The following SORCS2 variants were observed in gnomAD, a reference collection of about 807,000 sequenced individuals.
SORCS2 encodes VPS10 domain-containing receptor SorCS2.
In SORCS2, 100 loss-of-function variants were observed where a neutral mutation model predicts 141.6. The observed-to-expected ratio is 0.71, with a 90% confidence interval of 0.60 to 0.83. SORCS2 has a LOEUF of 0.83. Ranked by LOEUF, SORCS2 falls within the 40% of genes least tolerant of loss-of-function variation. SORCS2 has a pLI of 0.00. For synonymous variants in SORCS2, 789 were observed against 676.9 expected (o/e 1.17, Z -2.57); for missense variants, 1,646 against 1,560.2 (o/e 1.05, Z -0.93).
chr4:7,576,523 T>G (rs1233027691), intron 3 of SORCS2, among the ~76,000 whole-genome samples: 1 of 152,218 alleles, frequency 6.6e-6, no homozygotes, highest in Non-Finnish European at 1.5e-5. Flanking sequence ...TGTGTGCATC[T>G]TACTACAAAA....
At chr4:7,418,712 C>CCA (rs1553859482) in intron 2 of SORCS2, among the ~76,000 whole-genome samples, 3,280 of 145,822 alleles carry the variant, frequency 0.022, 73 homozygotes, top group Non-Finnish European at 0.027. Flanking sequence ...ACCCCCCCCC[C>CCA]CACCAGATTT....
intron 1 of SORCS2, among the ~76,000 whole-genome samples, chr4:7,380,341 G>C (rs1026599329): frequency 1.3e-5 from 2 of 152,238 alleles, no homozygotes; most frequent in African/African-American, 4.8e-5. Flanking sequence ...TGAAGGTGCT[G>C]AGTCCTGCCA....
intron 2 of SORCS2, among the ~76,000 whole-genome samples, chr4:7,407,339 T>C (rs540577938): frequency 2.6e-5 from 4 of 152,270 alleles, no homozygotes; most frequent in Admixed American, 2.0e-4. Flanking sequence ...TATTAATGTT[T>C]GCTTTATATA....
intron 8 of SORCS2, among the ~76,000 whole-genome samples, chr4:7,675,725 C>T (rs76891548): frequency 0.017 from 2,543 of 152,318 alleles, 78 homozygotes; most frequent in African/African-American, 0.058. Flanking sequence ...AACTCCGCCT[C>T]CCCACTGTTG....
At chr4:7,310,962 T>C (rs982422068) in intron 1 of SORCS2, among the ~76,000 whole-genome samples, 2 of 152,202 alleles carry the variant, frequency 1.3e-5, no homozygotes, top group Non-Finnish European at 2.9e-5. Flanking sequence ...ATCACGCAGA[T>C]TCAAAGTGCA....
intron 2 of SORCS2, among the ~76,000 whole-genome samples, chr4:7,453,609 T>G (rs1728646615): frequency 7.4e-6 from 1 of 134,696 alleles, no homozygotes; most frequent in Admixed American, 7.2e-5. Context: ...TCAGGAGCTG[T>G]GTGTTGGGGT....
chr4:7,622,912 C>G (rs1484413854), intron 3 of SORCS2, among the ~76,000 whole-genome samples: 2 of 152,136 alleles, frequency 1.3e-5, no homozygotes, highest in Non-Finnish European at 2.9e-5. Flanking sequence ...GTTCAGTTCA[C>G]CCACTGCTCA....
At chr4:7,697,704 T>C (rs909804838) in intron 12 of SORCS2, among the ~76,000 whole-genome samples, 4 of 150,142 alleles carry the variant, frequency 2.7e-5, no homozygotes, top group African/African-American at 9.8e-5. Flanking sequence ...AGGAGGGGGC[T>C]ACGGGGGACT....
Position 7,192,912 on chromosome 4 carries a change from C to T in SORCS2, c.266C>T (p.Thr89Met). Residue 89 changes from threonine to methionine, a missense_variant, in exon 1 of 27, where the codon ACG (threonine) becomes ATG (methionine). Transcript: ENST00000507866. This position sits in a 1 kb window ranked among gnomAD's most constrained non-coding sequence, Gnocchi z 4.0. ...GGGEDRQARG[T>M]EPGAPGPSPG... The stretch of plus-strand genomic sequence containing the variant: ...GGCGAGGACCGGCAGGCGCGCGGCA[C>T]GGAGCCAGGCGCCCCGGGTCCGAGT... 2 of 1,191,088 alleles carry T rather than the reference C, an allele frequency of 1.7e-6. No individual in the cohort carries two copies. Among genetic ancestry groups the T allele is most frequent in the Non-Finnish European group, 2.1e-6 (2 of 963,460 alleles). 73.8% of individuals were successfully genotyped at this position (1,191,088 alleles called of 1,614,324 possible).
At chr4:7,682,289 G>A (rs1252925710) in intron 9 of SORCS2, among the ~76,000 whole-genome samples, 1 of 152,128 alleles carries the variant, frequency 6.6e-6, no homozygotes, top group Non-Finnish European at 1.5e-5. Flanking sequence ...TGAGCTGGGG[G>A]TCCGCAGAGG....
intron 1 of SORCS2, among the ~76,000 whole-genome samples, chr4:7,262,655 G>C (rs750477370): frequency 6.6e-6 from 1 of 152,218 alleles, no homozygotes; most frequent in African/African-American, 2.4e-5. Flanking sequence ...TTTGGTGAGG[G>C]GTTCAAGGAG....
chr4:7,665,451 G>A (rs565891933), intron 7 of SORCS2, among the ~76,000 whole-genome samples: 6 of 152,286 alleles, frequency 3.9e-5, no homozygotes, highest in African/African-American at 1.2e-4. Context: ...GCATTTGCTC[G>A]TACTGTTCCC....
At chr4:7,382,336 A>G (rs186365021) in intron 1 of SORCS2, among the ~76,000 whole-genome samples, 4 of 152,232 alleles carry the variant, frequency 2.6e-5, no homozygotes, top group African/African-American at 9.6e-5. Flanking sequence ...CCTCACTGGT[A>G]TTTATATAAC....
At chr4:7,688,247 C>G (rs565912590) in intron 10 of SORCS2, among the ~76,000 whole-genome samples, 1 of 152,092 alleles carries the variant, frequency 6.6e-6, no homozygotes, top group African/African-American at 2.4e-5. Context: ...TGGAATGACC[C>G]CTGCAGAGCG....
chr4:7,550,355 A>G (rs971682523), intron 3 of SORCS2, among the ~76,000 whole-genome samples: 7 of 152,164 alleles, frequency 4.6e-5, no homozygotes, highest in South Asian at 2.1e-4. Context: ...GCAGAGGACA[A>G]CACTTCCCAG....
intron 3 of SORCS2, among the ~76,000 whole-genome samples, chr4:7,633,070 T>C (rs1045270537): frequency 2.6e-5 from 4 of 152,110 alleles, no homozygotes; most frequent in African/African-American, 7.2e-5. Context: ...ACTCAGAAAA[T>C]TTGAAAGAAG....
At chr4:7,360,498 C>T (rs1721515759) in intron 1 of SORCS2, among the ~76,000 whole-genome samples, 1 of 151,024 alleles carries the variant, frequency 6.6e-6, no homozygotes, top group Non-Finnish European at 1.5e-5. Flanking sequence ...TTGCTGCTGC[C>T]CCTCTGAGTC....
chr4:7,705,236 G>T (rs1389533025), intron 14 of SORCS2, among the ~76,000 whole-genome samples: 1 of 152,096 alleles, frequency 6.6e-6, no homozygotes, highest in Non-Finnish European at 1.5e-5. Flanking sequence ...AACACCCAGG[G>T]CCCCCAGGAG....
In SORCS2 at chr4:7,416,875, GAC is replaced by G. The variant is rs566237323; in HGVS notation, c.548+20528_548+20529del. 2.1e-3 allele frequency among the ~76,000 whole-genome samples: 320 copies of G among 151,538 alleles called. 2 individuals are homozygous for G. Among genetic ancestry groups the G allele is most frequent in the Non-Finnish European group, 3.4e-3 (233 of 67,824 alleles). On this transcript the variant is annotated intron_variant, in intron 2 of 26. Transcript: ENST00000507866. ...GCACACACACACTTGTGCATGCTCA[GAC>G]ACACACATATGCATGCACACACACG... is the stretch of plus-strand genomic sequence containing the variant.
Sources: gnomAD v4.1 joint callset for allele counts (sites outside exome capture counted in the v4.1 genomes callset) on GRCh38, gnomAD v4.1.1 for gene constraint, Gnocchi (gnomAD v3.1) non-coding constraint, MANE v1.5 for transcripts, NCBI Gene and HGNC (gene_info 2026-07-23, HGNC 2026-07-21) for gene names.